The following NRXN3 variants were observed in gnomAD, a reference collection of about 807,000 sequenced individuals.
NRXN3 encodes the protein neurexin 3.
Under a neutral mutation model 137.6 loss-of-function variants are expected in NRXN3, and 32 were observed. That is an observed-to-expected ratio of 0.23 (90% CI 0.18 to 0.31). The LOEUF is 0.31. Among genes scored for constraint, NRXN3 ranks in the 10% least tolerant of loss-of-function variants. NRXN3 has a pLI of 1.00. For synonymous variants in NRXN3, 798 were observed against 784.5 expected, an observed-to-expected ratio of 1.02 and a Z score of -0.29; for missense variants, 1,574 against 2,062.5, an observed-to-expected ratio of 0.76 and a Z score of 4.59.
chr14:79,858,820 G>A (rs373204505), intron 20 of NRXN3, among the ~76,000 whole-genome samples: 3 of 151,982 alleles, frequency 2.0e-5, no homozygotes, highest in Non-Finnish European at 4.4e-5. Flanking sequence ...GGACCCCCTA[G>A]CAGAAGAATA....
intron 19 of NRXN3, among the ~76,000 whole-genome samples, chr14:79,769,318 T>C (rs937806733): frequency 1.5e-4 from 22 of 150,942 alleles, no homozygotes; most frequent in Admixed American, 1.1e-3. Flanking sequence ...AGACACATAA[T>C]TGTCAGATTC....
chr14:78,402,937 G>T (rs1472903419), intron 4 of NRXN3, among the ~76,000 whole-genome samples: 1 of 152,152 alleles, frequency 6.6e-6, no homozygotes, highest in South Asian at 2.1e-4. Flanking sequence ...CCTGTGAGAG[G>T]TTATGGGTAA....
intron 20 of NRXN3, among the ~76,000 whole-genome samples, chr14:79,810,095 GA>G (rs2099226176): frequency 6.6e-6 from 1 of 152,028 alleles, no homozygotes; most frequent in African/African-American, 2.4e-5. Context: ...TGTATTCTTG[GA>G]TGAGCTTTTG....
intron 15 of NRXN3, among the ~76,000 whole-genome samples, chr14:79,382,894 A>G (rs2094508624): frequency 6.7e-6 from 1 of 149,486 alleles, no homozygotes. Context: ...TAGTTAAGTT[A>G]GATTTGAGCC....
intron 10 of NRXN3, among the ~76,000 whole-genome samples, chr14:78,898,733 A>T (rs529589689): frequency 6.6e-6 from 1 of 151,994 alleles, no homozygotes; most frequent in African/African-American, 2.4e-5. Context: ...AATTATCTTG[A>T]TTGGAAATAA....
chr14:79,162,962 C>T (rs190666801), intron 15 of NRXN3, among the ~76,000 whole-genome samples: 1 of 151,830 alleles, frequency 6.6e-6, no homozygotes, highest in Admixed American at 6.6e-5. Context: ...TCTTACATCC[C>T]TTCCACTCCC....
chr14:78,964,267 A>G (rs1024966664), intron 11 of NRXN3, among the ~76,000 whole-genome samples: 5 of 152,188 alleles, frequency 3.3e-5, no homozygotes, highest in African/African-American at 1.2e-4. Context: ...ATATCATTTT[A>G]ATTAGTAATA....
chr14:78,633,267 A>AG (rs1555408886), intron 4 of NRXN3, among the ~76,000 whole-genome samples: 1 of 150,084 alleles, frequency 6.7e-6, no homozygotes, highest in African/African-American at 2.5e-5. Flanking sequence ...AAAAAAAAAA[A>AG]AGAGACTGGT....
intron 15 of NRXN3, among the ~76,000 whole-genome samples, chr14:79,056,228 A>AT (rs2099662137): frequency 6.6e-6 from 1 of 152,192 alleles, no homozygotes; most frequent in African/African-American, 2.4e-5. Flanking sequence ...TTGGAGAGCT[A>AT]TCATGTGAAA....
chr14:79,457,601 C>T (rs1374752643), intron 15 of NRXN3, among the ~76,000 whole-genome samples: 2 of 152,146 alleles, frequency 1.3e-5, no homozygotes, highest in African/African-American at 4.8e-5. Context: ...CATCACCCTT[C>T]AAAAATATTA....
chr14:79,579,275 A>G (rs2097692870), intron 16 of NRXN3, among the ~76,000 whole-genome samples: 1 of 150,168 alleles, frequency 6.7e-6, no homozygotes, highest in Non-Finnish European at 1.5e-5. Flanking sequence ...CATTACAATC[A>G]GTGTGCTATC....
intron 19 of NRXN3, among the ~76,000 whole-genome samples, chr14:79,736,943 C>A (rs1179442761): frequency 6.6e-6 from 1 of 152,116 alleles, no homozygotes; most frequent in African/African-American, 2.4e-5. Flanking sequence ...ACCAACATAG[C>A]CCTCTAAAAT....
chr14:79,485,421 C>T (rs2096646691), intron 16 of NRXN3, among the ~76,000 whole-genome samples: 1 of 152,106 alleles, frequency 6.6e-6, no homozygotes, highest in African/African-American at 2.4e-5. Flanking sequence ...GTTATATCAC[C>T]TTCTGAGACT....
intron 15 of NRXN3, among the ~76,000 whole-genome samples, chr14:79,022,622 G>A (rs2099591550): frequency 6.6e-6 from 1 of 152,080 alleles, no homozygotes; most frequent in Non-Finnish European, 1.5e-5. Flanking sequence ...GAACATCCTT[G>A]CATTTTCTTT....
At chr14:79,831,148 G>A (rs148185960) in intron 20 of NRXN3, among the ~76,000 whole-genome samples, 42 of 152,232 alleles carry the variant, frequency 2.8e-4, no homozygotes, top group African/African-American at 9.1e-4. Flanking sequence ...GGGGTGATGA[G>A]AGAATTTTAA....
intron 15 of NRXN3, among the ~76,000 whole-genome samples, chr14:79,225,584 T>A (rs2070705426): frequency 6.6e-6 from 1 of 152,124 alleles, no homozygotes; most frequent in South Asian, 2.1e-4. Flanking sequence ...AGGTGAGAAG[T>A]CCATTATGGG....
At chr14:78,966,804 C>T (rs748784322) in intron 12 of NRXN3, among the ~76,000 whole-genome samples, 6 of 152,162 alleles carry the variant, frequency 3.9e-5, no homozygotes, top group African/African-American at 4.8e-5. Flanking sequence ...CCCATATATG[C>T]AAGTTTTTAG....
At chr14:78,446,030 A>T (rs2094408894) in intron 4 of NRXN3, among the ~76,000 whole-genome samples, 3 of 152,278 alleles carry the variant, frequency 2.0e-5, no homozygotes, top group Admixed American at 6.5e-5. Context: ...CATAGACCCC[A>T]TGCCCATTGC....
At chr14:79,170,617 TTTG>T (rs752863722) in intron 15 of NRXN3, among the ~76,000 whole-genome samples, 1 of 152,064 alleles carries the variant, frequency 6.6e-6, no homozygotes. Flanking sequence ...TCTACTTTTT[TTTG>T]TTGTTGTTGG....
Sources: allele counts gnomAD v4.1 joint callset (sites outside exome capture counted in the v4.1 genomes callset), GRCh38; gene constraint gnomAD v4.1.1; transcripts MANE v1.5; gene names NCBI Gene and HGNC (gene_info 2026-07-23, HGNC 2026-07-21).